ARSA: variants seen among roughly 807,000 people sequenced by gnomAD.
The protein encoded by ARSA is arylsulfatase A, also known as cerebroside-sulfatase.
Under a neutral mutation model 37.8 loss-of-function variants are expected in ARSA, and 32 were observed. The ratio of observed to expected loss-of-function variants is 0.85; its 90% CI spans 0.64 to 1.14. ARSA has a LOEUF of 1.14. Ranked by LOEUF, ARSA falls within the 50% of genes most tolerant of loss-of-function variation. The probability of loss-of-function intolerance (pLI) is 0.00; values close to 1 mark genes in which losing one functional copy is unlikely to be tolerated. For synonymous variants in ARSA, 303 were observed against 303.4 expected (o/e 1.00, Z 0.01); for missense variants, 685 against 686.3 (o/e 1.00, Z 0.02).
At position 50,627,365 on chromosome 22, in the gene ARSA, A is replaced by G; in HGVS notation, c.266T>C (p.Met89Thr). 3 of 1,603,216 alleles carry G rather than the reference A, an allele frequency of 1.9e-6. No individual in the cohort carries two copies. Among genetic ancestry groups the G allele is most frequent in the Non-Finnish European group, 2.5e-6 (3 of 1,176,622 alleles). The change falls in exon 2 of 8, where the codon ATG becomes ACG. Residue 89 changes from methionine (M) to threonine (T), a missense_variant. By Grantham distance (81) the Met-to-Thr change is moderately conservative. Coordinates refer to ENST00000216124, the MANE Select transcript of ARSA (RefSeq NM_000487.6). ...LTGRLPVRMG[M>T]YPGVLVPSSR... ...GCTGGGCACCAGGACGCCAGGGTAC[A>G]TGCCCATCCGAACCGGGAGCCGGCC...
chr22:50,627,141 G>A, intron 2 of ARSA, 25 bp downstream of exon 2: 3 of 1,599,118 alleles, frequency 1.9e-6, no homozygotes, highest in Non-Finnish European at 1.7e-6. Context: ...GTGGGAGGGT[G>A]GCTGAGGGCC....
intron 4 of ARSA, 111 bp from the exon 5 acceptor site, chr22:50,626,389 A>G (rs2082669130): frequency 6.5e-7 from 1 of 1,539,084 alleles, no homozygotes; most frequent in Admixed American, 1.9e-5. Context: ...GGTGCCCAGC[A>G]TGAGCCCGGC....
Position 50,625,159 on chromosome 22 carries a change from C to A in ARSA, c.1516G>T (p.Asp506Tyr), listed in dbSNP as rs764345345. The A allele has an allele frequency of 1.9e-6, 3 of 1,578,394 alleles. No homozygotes were observed. The Admixed American group carries it at 5.4e-5, about 28-fold the overall frequency. Residue 506 changes from aspartate to tyrosine, a missense_variant, in exon 8 of 8, where the codon GAT becomes TAT. By Grantham distance (160) the Asp-to-Tyr change is radical. Coordinates refer to ENST00000216124, the MANE Select transcript of ARSA (RefSeq NM_000487.6). ...CCGAGGGGCCCTCAGGCATGGGGATCTGGGCAATGGCAGCAAGCTGGGCGG... is the reference window on the plus strand; with the variant it reads ...CCGAGGGGCCCTCAGGCATGGGGATATGGGCAATGGCAGCAAGCTGGGCGG... ...TPRPACCHCP[D>Y]PHA
rs1372685039 is a variant in ARSA, at chr22:50,623,551, C to T, written c.*1594G>A. ...ACCTAGTGGGCTGAAGTGATTCTCCCACCTCAACCTCCCAAATTGCTAGGA... is the reference window on the plus strand; with the variant it reads ...ACCTAGTGGGCTGAAGTGATTCTCCTACCTCAACCTCCCAAATTGCTAGGA... On this transcript the variant is annotated 3_prime_UTR_variant, in exon 8 of 8. Transcript: ENST00000216124. Among the ~76,000 whole-genome samples, 1 of 152,078 alleles carries T rather than the reference C, an allele frequency of 6.6e-6. No homozygotes were observed.
rs1306418374 is a variant in ARSA at position 50,626,967 on chromosome 22, A to T, written c.551T>A (p.Leu184Ter). 6.2e-7 allele frequency: 1 copy of T among 1,612,948 alleles called. No homozygotes were observed. The highest frequency in any genetic ancestry group is 1.1e-5 in the South Asian group (1 of 91,076). Residue 184 changes from leucine (L) to a stop codon, truncating the protein, a stop_gained, in exon 3 of 8, where the codon TTG (leucine) becomes TAG (stop). Transcript: ENST00000216124. LOFTEE classifies it high-confidence loss of function. ...CTGCGCCTCCACGGACAGGTTGGCC[A>T]ACAGTGGGATGGGGACCAGGCCCTG... Reference protein sequence around the residue: ...CDQGLVPIPLLANLSVEAQPP... With the variant: ...CDQGLVPIPL
rs765768453 is a variant in ARSA at position 50,627,060 on chromosome 22, G to C, written c.466-8C>G. 2.6e-5 allele frequency: 42 copies of C among 1,601,956 alleles called. No individual in the cohort carries two copies. Among genetic ancestry groups the C allele is most frequent in the Middle Eastern group, 1.7e-4 (1 of 6,028 alleles). On this transcript the variant is annotated splice_region_variant and splice_polypyrimidine_tract_variant and intron_variant, in intron 2 of 7. Transcript: ENST00000216124. ...CAGGTTCTGGCAGGGGCCCTGAGGC[G>C]GGCAGCTGCCGTGAGGGCTGGGCTG...
chr22:50,626,446 G>T lies in ARSA; in HGVS notation c.854+145C>A. 1 of 1,480,938 alleles carries T rather than the reference G, an allele frequency of 6.8e-7. No homozygotes were observed. Among genetic ancestry groups the T allele is most frequent in the Non-Finnish European group, 9.1e-7 (1 of 1,093,804 alleles). 91.7% of individuals were successfully genotyped at this position (1,480,938 alleles called of 1,614,324 possible). ...CAGCTCTCTGTGCACTGTGTCTCCT[G>T]ACTACACCTTGGGCCCCTGCAACGT... On this transcript the variant is annotated intron_variant, in intron 4 of 7. Coordinates refer to ENST00000216124, the MANE Select transcript of ARSA (RefSeq NM_000487.6).
intron 4 of ARSA, 55 bp from the exon 5 acceptor site, chr22:50,626,333 G>C: frequency 6.3e-7 from 1 of 1,597,384 alleles, no homozygotes; most frequent in Non-Finnish European, 8.5e-7. Context: ...GAGCCACCGA[G>C]GGTGACCAGT....
Position 50,626,141 on chromosome 22 carries a change from C to G in ARSA, c.979+13G>C, listed in dbSNP as rs753874308. The G allele has an allele frequency of 2.5e-6, 4 of 1,600,012 alleles. 1 individual carries two copies. Among genetic ancestry groups the G allele is most frequent in the South Asian group, 2.3e-5 (2 of 88,630 alleles). On this transcript the variant is annotated intron_variant, in intron 5 of 7. Transcript: ENST00000216124. ...TGGGGCCAGGGTTCCAAGGAGAGGG[C>G]CTGCGGACTGACCGGGAGCGATATG... is the stretch of plus-strand genomic sequence containing the variant.
chr22:50,626,033 T>C lies in ARSA; in HGVS notation c.1010A>G (p.Asp337Gly). ...GVTHELASSLDLLPTLAALAG... is the reference protein window; with the variant it reads ...GVTHELASSLGLLPTLAALAG... ...CAGGGCTGCCAGGGTAGGCAGCAGG[T>C]CCAGGGAGCTGGCCAGCTCGTGGGT... The change falls in exon 6 of 8, where the codon GAC (aspartate) becomes GGC (glycine). Residue 337 changes from aspartate (D) to glycine (G), a missense_variant. By Grantham distance (94) the Asp-to-Gly change is moderately conservative (BLOSUM62 -1). Transcript: ENST00000216124. The C allele has an allele frequency of 6.3e-7, 1 of 1,587,524 alleles. No individual in the cohort carries two copies. The highest frequency in any genetic ancestry group is 8.6e-7 in the Non-Finnish European group (1 of 1,169,056).
In ARSA at chr22:50,627,410, C is replaced by A. The variant is rs372937480; in HGVS notation, c.225-4G>T. 5 of 1,607,660 alleles carry A rather than the reference C, an allele frequency of 3.1e-6. No homozygotes were observed. Among genetic ancestry groups the A allele is most frequent in the Admixed American group, 1.7e-5 (1 of 59,712 alleles). ...CCGGCCGGTCAGGAGGGCGGCCCTG[C>A]GGGACAAGTCACAGAGTCCCTGAGA... On this transcript the variant is annotated splice_region_variant and splice_polypyrimidine_tract_variant and intron_variant, in intron 1 of 7. Coordinates refer to ENST00000216124, the MANE Select transcript of ARSA (RefSeq NM_000487.6).
rs2082618407 is a variant in ARSA at position 50,623,574 on chromosome 22, G to A, written c.*1571C>T. On this transcript the variant is annotated 3_prime_UTR_variant, in exon 8 of 8. Coordinates refer to ENST00000216124, the MANE Select transcript of ARSA (RefSeq NM_000487.6). ...CCCACCTCAACCTCCCAAATTGCTA[G>A]GACAAATGCTACCACGCCTGGCTAA... Among the ~76,000 whole-genome samples, 1 of 152,090 alleles carries A rather than the reference G, an allele frequency of 6.6e-6. No individual in the cohort carries two copies. The highest frequency in any genetic ancestry group is 1.5e-5 in the Non-Finnish European group (1 of 68,014).
At position 50,625,371 on chromosome 22, in the gene ARSA, T is replaced by C. The variant is rs1239185890; in HGVS notation, c.1304A>G (p.Lys435Arg). 2.5e-6 allele frequency: 4 copies of C among 1,607,488 alleles called. No homozygotes were observed. The highest frequency in any genetic ancestry group is 3.4e-6 in the Non-Finnish European group (4 of 1,175,988). Residue 435 changes from lysine (K) to arginine (R), a missense_variant, in exon 8 of 8, where the codon AAG becomes AGG. Physicochemically the swap from Lys to Arg is conservative, Grantham distance 26 (BLOSUM62 2). Coordinates refer to ENST00000216124, the MANE Select transcript of ARSA (RefSeq NM_000487.6). ...HEPPLLYDLS[K>R]DPGENYNLLG... Reference sequence around the variant, plus strand: ...CAGGTTGTAGTTCTCACCAGGGTCCTTGGACAGGTCATAGAGCAGCGGGGG... The same window carrying C: ...CAGGTTGTAGTTCTCACCAGGGTCCCTGGACAGGTCATAGAGCAGCGGGGG...
At position 50,624,894 on chromosome 22, in the gene ARSA, C is replaced by A. The variant is rs150845594; in HGVS notation, c.*251G>T. The A allele has an allele frequency of 3.9e-6, 2 of 517,264 alleles. No homozygotes were observed. Among genetic ancestry groups the A allele is most frequent in the Non-Finnish European group, 6.7e-6 (2 of 297,824 alleles). The allele number at this position is 517,264 out of a possible 1,614,324, so 32.0% of individuals were successfully genotyped here. ...AGCCACGACACCAGGGTTCAAATCC[C>A]AGCCCAACCTCTTTCTGGCTGGGTG... On this transcript the variant is annotated 3_prime_UTR_variant, in exon 8 of 8. Coordinates refer to ENST00000216124, the MANE Select transcript of ARSA (RefSeq NM_000487.6).
In ARSA at chr22:50,626,231, C is replaced by A. The variant is rs573456864; in HGVS notation, c.902G>T (p.Arg301Leu). 6.2e-7 allele frequency: 1 copy of A among 1,613,548 alleles called. No individual in the cohort carries two copies. Among genetic ancestry groups the A allele is most frequent in the Non-Finnish European group, 8.5e-7 (1 of 1,179,936 alleles). ...CTCGTAGGTCGTTCCCTTTCCACACCGCAAGAGACCGGAGCAGCCGCCTCG... is the reference window on the plus strand; with the variant it reads ...CTCGTAGGTCGTTCCCTTTCCACACAGCAAGAGACCGGAGCAGCCGCCTCG... ...MSRGGCSGLL[R>L]CGKGTTYEGG... Residue 301 changes from arginine (R) to leucine (L), a missense_variant, in exon 5 of 8, where the codon CGG becomes CTG. Transcript: ENST00000216124.
Position 50,626,262 on chromosome 22 carries a change from T to C in ARSA, c.871A>G (p.Met291Val), listed in dbSNP as rs1267760442. 2.5e-6 allele frequency: 4 copies of C among 1,613,312 alleles called. No homozygotes were observed. Among genetic ancestry groups the C allele is most frequent in the Non-Finnish European group, 3.4e-6 (4 of 1,179,938 alleles). The change falls in exon 5 of 8, where the codon ATG becomes GTG. Residue 291 changes from methionine to valine, a missense_variant. Physicochemically the swap from Met to Val is conservative, Grantham distance 21 (BLOSUM62 1). Coordinates refer to ENST00000216124, the MANE Select transcript of ARSA (RefSeq NM_000487.6). Reference protein sequence around the residue: ...TADNGPETMRMSRGGCSGLLR... With the variant: ...TADNGPETMRVSRGGCSGLLR... The stretch of plus-strand genomic sequence containing the variant: ...AGACCGGAGCAGCCGCCTCGGGACA[T>C]ACGCATGGTCTCAGGTCTGGGACAC...
rs947235041 is a variant in ARSA at position 50,624,134 on chromosome 22, C to T, written c.*1011G>A. Reference sequence around the variant, plus strand: ...TTGCCCAGGCTGGAGTGCAATGGTGCGATCTCGGCTCACTGCAACCACCGC... The same window carrying T: ...TTGCCCAGGCTGGAGTGCAATGGTGTGATCTCGGCTCACTGCAACCACCGC... On this transcript the variant is annotated 3_prime_UTR_variant, in exon 8 of 8. Transcript: ENST00000216124. 3.3e-5 allele frequency among the ~76,000 whole-genome samples: 5 copies of T among 151,824 alleles called. No homozygotes were observed. The highest frequency in any genetic ancestry group is 3.3e-4 in the Admixed American group (5 of 15,252).
chr22:50,625,359 TCA>T lies in ARSA; in HGVS notation c.1314_1315del (p.Asn440LeufsTer132). 1.2e-6 allele frequency: 2 copies of T among 1,609,676 alleles called. No individual in the cohort carries two copies. The highest frequency in any genetic ancestry group is 1.7e-6 in the Non-Finnish European group (2 of 1,177,654). The stretch of plus-strand genomic sequence containing the variant: ...CACACCCCCCAGCAGGTTGTAGTTC[TCA>T]CCAGGGTCCTTGGACAGGTCATAGA... On this transcript the variant is annotated frameshift_variant, in exon 8 of 8. Transcript: ENST00000216124. LOFTEE classifies it low-confidence loss of function (END_TRUNC).
In ARSA at chr22:50,628,103, T is replaced by C. The variant is rs945259272; in HGVS notation, c.-324A>G. On this transcript the variant is annotated 5_prime_UTR_variant, in exon 1 of 8. Transcript: ENST00000216124. ...CGGAGTCGGGCCGGGGGGAAGGCGC[T>C]AGAGGGAGCCCAGGAGGAGCCGGTA... is the stretch of plus-strand genomic sequence containing the variant. 1 of 314,824 alleles carries C rather than the reference T, an allele frequency of 3.2e-6. No homozygotes were observed. The highest frequency in any genetic ancestry group is 4.4e-5 in the Admixed American group (1 of 22,666). 19.5% of individuals were successfully genotyped at this position (314,824 alleles called of 1,614,324 possible). A position where few individuals can be genotyped will look rare whatever the true frequency, so the allele number is the denominator to read the frequency against.
Sources: gnomAD v4.1 joint callset for allele counts (sites outside exome capture counted in the v4.1 genomes callset) on GRCh38, gnomAD v4.1.1 for gene constraint, MANE v1.5 for transcripts, NCBI Gene and HGNC (gene_info 2026-07-23, HGNC 2026-07-21) for gene names.